C12orf42: variants seen among roughly 807,000 people sequenced by gnomAD.
The protein encoded by C12orf42 is chromosome 12 open reading frame 42, also known as uncharacterized protein C12orf42.
In C12orf42, 25 loss-of-function variants were observed where a neutral mutation model predicts 21.6. The observed-to-expected ratio is 1.16, with a 90% CI of 0.84 to 1.62. C12orf42 has a LOEUF of 1.62. Among genes scored for constraint, C12orf42 ranks in the 40% most tolerant of loss-of-function variants. The pLI, the probability that C12orf42 is intolerant of heterozygous loss-of-function variation, is 0.00. For missense variants in C12orf42, 483 were observed against 459.3 expected (o/e 1.05, Z -0.47); for synonymous variants, 174 against 175.0 (o/e 0.99, Z 0.05).
the C12orf42 span, among the ~76,000 whole-genome samples, chr12:103,204,803 T>C: frequency 6.6e-6 from 1 of 152,172 alleles, no homozygotes; most frequent in African/African-American, 2.4e-5. Flanking sequence ...TAAAAACTTT[T>C]GGGACATGAA....
the C12orf42 span, among the ~76,000 whole-genome samples, chr12:103,129,777 C>T: frequency 0.32 from 48,307 of 151,984 alleles, 8,118 homozygotes; most frequent in East Asian, 0.48. Flanking sequence ...TCTTTTAATC[C>T]TGCAACCCAG....
intron 4 of C12orf42, among the ~76,000 whole-genome samples, chr12:103,340,656 A>C (rs1324554239): frequency 6.7e-6 from 1 of 150,224 alleles, no homozygotes; most frequent in Non-Finnish European, 1.5e-5. Context: ...ACATTAAAAC[A>C]GTTATAACTC....
In C12orf42 at chr12:103,454,657, T is replaced by C. The variant is rs191548926; in HGVS notation, c.78+23692A>G. Among the ~76,000 whole-genome samples, 14 of 152,310 alleles carry C rather than the reference T, an allele frequency of 9.2e-5. No homozygotes were observed. The East Asian group carries it at 2.5e-3, about 27-fold the overall frequency. ...AATTCTATCCCTAGCCCATTGGATG[T>C]TGGTTTCTGCTTCTACTGTCTTGCT... On this transcript the variant is annotated intron_variant, in intron 2 of 5. Transcript: ENST00000548883.
chr12:103,345,968 G>T (rs1038479698), intron 4 of C12orf42, among the ~76,000 whole-genome samples: 1 of 152,150 alleles, frequency 6.6e-6, no homozygotes, highest in Non-Finnish European at 1.5e-5. Context: ...ATTCTTCAAA[G>T]CAATAAGTTT....
chr12:103,543,070 G>A, the C12orf42 span, among the ~76,000 whole-genome samples: 3 of 152,174 alleles, frequency 2.0e-5, no homozygotes, highest in African/African-American at 7.2e-5. Flanking sequence ...GGATGAGGAG[G>A]TTGTAAAAAC....
chr12:103,512,157 T>C, the C12orf42 span, among the ~76,000 whole-genome samples: 1 of 152,226 alleles, frequency 6.6e-6, no homozygotes, highest in Admixed American at 6.5e-5. Context: ...TTTCCAGTGA[T>C]ATCTTGGTTC....
downstream of C12orf42, among the ~76,000 whole-genome samples, chr12:103,300,655 AAAAAATCAGTTGT>A (rs1343959078): frequency 6.6e-6 from 1 of 152,228 alleles, no homozygotes; most frequent in Non-Finnish European, 1.5e-5. Flanking sequence ...TCTTAAACTA[AAAAAATCAGTTGT>A]GTTAACTCAT....
the C12orf42 span, among the ~76,000 whole-genome samples, chr12:103,514,207 G>A: frequency 6.6e-6 from 1 of 152,164 alleles, no homozygotes; most frequent in South Asian, 2.1e-4. Flanking sequence ...ACAGGATGGG[G>A]GAAACCGCCC....
chr12:103,167,912 G>A, the C12orf42 span: 2 of 237,294 alleles, frequency 8.4e-6, no homozygotes, highest in Admixed American at 4.4e-5. Flanking sequence ...GTGTGTGTGT[G>A]TTTGTGTCTG....
At chr12:103,050,741 C>A in the C12orf42 span, among the ~76,000 whole-genome samples, 23 of 151,668 alleles carry the variant, frequency 1.5e-4, no homozygotes, top group Admixed American at 7.2e-4. Flanking sequence ...GATATTATGG[C>A]AGGGATATAT....
At chr12:103,228,351 A>G in the C12orf42 span, among the ~76,000 whole-genome samples, 2 of 152,158 alleles carry the variant, frequency 1.3e-5, no homozygotes, top group African/African-American at 4.8e-5. Context: ...AGGATGACCC[A>G]GGAAAAGGAC....
chr12:103,554,577 A>T, the C12orf42 span, among the ~76,000 whole-genome samples: 276 of 104,556 alleles, frequency 2.6e-3, 1 homozygote, highest in African/African-American at 8.7e-3. Context: ...AATTTATTAC[A>T]AAAAAAAAAA....
At chr12:103,426,212 G>GA (rs1219937637) in intron 2 of C12orf42, among the ~76,000 whole-genome samples, 3 of 151,962 alleles carry the variant, frequency 2.0e-5, no homozygotes, top group Non-Finnish European at 4.4e-5. Flanking sequence ...TAAGAACCTT[G>GA]AAAAAAGGTT....
At chr12:103,223,984 T>C in the C12orf42 span, among the ~76,000 whole-genome samples, 20 of 152,200 alleles carry the variant, frequency 1.3e-4, no homozygotes, top group Admixed American at 2.6e-4. Flanking sequence ...AAAAACTGCT[T>C]GGCTGATTTG....
At chr12:103,168,122 T>C in the C12orf42 span, 3 of 455,830 alleles carry the variant, frequency 6.6e-6, no homozygotes, top group Non-Finnish European at 1.3e-5. Flanking sequence ...AAACATAAAG[T>C]TGATGTACAT....
chr12:103,070,970 G>A, the C12orf42 span, among the ~76,000 whole-genome samples: 39 of 152,316 alleles, frequency 2.6e-4, no homozygotes, highest in African/African-American at 9.4e-4. Flanking sequence ...GAATCGTTAA[G>A]TCTGTGTCTG....
At chr12:103,394,376 G>A (rs747889115) in intron 3 of C12orf42, among the ~76,000 whole-genome samples, 9 of 152,264 alleles carry the variant, frequency 5.9e-5, no homozygotes, top group East Asian at 1.9e-4. Flanking sequence ...CCTGCCCTAC[G>A]TTTACCTGAC....
At chr12:103,546,342 G>T in the C12orf42 span, among the ~76,000 whole-genome samples, 1 of 152,158 alleles carries the variant, frequency 6.6e-6, no homozygotes, top group African/African-American at 2.4e-5. Flanking sequence ...TGGACAAATG[G>T]TCCTGTCAGT....
chr12:103,070,059 A>C, the C12orf42 span, among the ~76,000 whole-genome samples: 1 of 152,006 alleles, frequency 6.6e-6, no homozygotes, highest in Non-Finnish European at 1.5e-5. Context: ...TGGATTCTGA[A>C]CTCCAATTTT....
Sources: allele counts gnomAD v4.1 joint callset (sites outside exome capture counted in the v4.1 genomes callset), GRCh38; gene constraint gnomAD v4.1.1; transcripts MANE v1.5; gene names NCBI Gene and HGNC (gene_info 2026-07-23, HGNC 2026-07-21).